Variants in CYP4F22 observed in about 807,000 individuals in gnomAD.
CYP4F22 encodes ultra-long-chain fatty acid omega-hydroxylase.
In CYP4F22, 37 loss-of-function variants were observed where a neutral mutation model predicts 60.4. The observed-to-expected ratio is 0.61, with a 90% CI of 0.47 to 0.81. The LOEUF is 0.81. Among genes scored for constraint, CYP4F22 ranks in the 30% least tolerant of loss-of-function variants. The pLI, the probability that CYP4F22 is intolerant of heterozygous loss-of-function variation, is 0.00. For synonymous variants in CYP4F22, 258 were observed against 280.5 expected (o/e 0.92, Z 0.80); for missense variants, 655 against 715.0 (o/e 0.92, Z 0.96).
chr19:15,537,612 A>T lies in CYP4F22; in HGVS notation c.499A>T (p.Ile167Phe). Residue 167 changes from isoleucine to phenylalanine, a missense_variant, in exon 6 of 14, where the codon ATC becomes TTC. Physicochemically the swap from Ile to Phe is conservative, Grantham distance 21. This residue lies in a region of CYP4F22 where 430 missense variants were observed against 457.1 expected (regional missense o/e 0.94). Transcript: ENST00000269703. ...RLLTPAFHFD[I>F]LKPYMKIFNQ... ...GCTGACACCCGCCTTCCACTTTGAC[A>T]TCCTGAAGCCTTACATGAAGATCTT... 6.2e-7 allele frequency: 1 copy of T among 1,614,150 alleles called. No individual in the cohort carries two copies. Among genetic ancestry groups the T allele is most frequent in the Non-Finnish European group, 8.5e-7 (1 of 1,180,032 alleles).
intron 1 of CYP4F22, among the ~76,000 whole-genome samples, chr19:15,514,515 G>A (rs1971131711): frequency 6.6e-6 from 1 of 152,040 alleles, no homozygotes; most frequent in African/African-American, 2.4e-5. Context: ...GTGAAACCCC[G>A]TCTCTATTAA....
At chr19:15,523,468 C>T (rs1971247538) in intron 1 of CYP4F22, among the ~76,000 whole-genome samples, 1 of 152,180 alleles carries the variant, frequency 6.6e-6, no homozygotes, top group African/African-American at 2.4e-5. Context: ...GAGAAACCAG[C>T]CCCGTGATCC....
At chr19:15,526,939 G>C (rs1458890213) in intron 3 of CYP4F22, among the ~76,000 whole-genome samples, 1 of 151,900 alleles carries the variant, frequency 6.6e-6, no homozygotes, top group African/African-American at 2.4e-5. Context: ...TTTTAGTAGG[G>C]ACAGGGTTTC....
Position 15,551,465 on chromosome 19 carries a change from G to T in CYP4F22, c.1590G>T (p.Arg530=). Residue 530 remains arginine (R), a synonymous_variant, in exon 14 of 14, where the codon CGG becomes CGT. Transcript: ENST00000269703. ...LWLKVEPLPP[R]A ...TCAAGGTGGAGCCGCTGCCTCCGCG[G>T]GCCTGAGCGTGGGCGCGCCCCTGCG... The T allele has an allele frequency of 6.4e-7, 1 of 1,559,322 alleles. No individual in the cohort carries two copies. The highest frequency in any genetic ancestry group is 8.7e-7 in the Non-Finnish European group (1 of 1,152,390).
In CYP4F22 at chr19:15,551,499, G is replaced by A. The variant is rs1310651417; in HGVS notation, c.*28G>A. The A allele has an allele frequency of 6.5e-7, 1 of 1,545,350 alleles. No individual in the cohort carries two copies. Among genetic ancestry groups the A allele is most frequent in the East Asian group, 2.4e-5 (1 of 40,842 alleles). On this transcript the variant is annotated 3_prime_UTR_variant, in exon 14 of 14. Transcript: ENST00000269703. Reference sequence around the variant, plus strand: ...GTGGGCGCGCCCCTGCGGCTCCCGAGGGTCCAGGCCCCGCCCCCAAAGGAC... The same window carrying A: ...GTGGGCGCGCCCCTGCGGCTCCCGAAGGTCCAGGCCCCGCCCCCAAAGGAC...
chr19:15,514,079 T>C (rs1971126156), intron 1 of CYP4F22, among the ~76,000 whole-genome samples: 1 of 152,168 alleles, frequency 6.6e-6, no homozygotes, highest in Non-Finnish European at 1.5e-5. Context: ...CTGTTTGCAT[T>C]AACAAAAATA....
chr19:15,530,004 A>G lies in CYP4F22; in HGVS notation c.367+151A>G, dbSNP rs2144518709. ...TTTGGCAAAGCAAGCATGGCAATCCAGATTGTGAGAACAGTATGGGCAAAG... is the reference window on the plus strand; with the variant it reads ...TTTGGCAAAGCAAGCATGGCAATCCGGATTGTGAGAACAGTATGGGCAAAG... On this transcript the variant is annotated intron_variant, in intron 4 of 13. Coordinates refer to ENST00000269703, the MANE Select transcript of CYP4F22 (RefSeq NM_173483.4). 3 of 1,111,368 alleles carry G rather than the reference A, an allele frequency of 2.7e-6. No individual in the cohort carries two copies. In the Admixed American group the frequency reaches 5.8e-5, roughly 21 times the overall value. 68.8% of individuals were successfully genotyped at this position (1,111,368 alleles called of 1,614,324 possible). A position where few individuals can be genotyped will look rare whatever the true frequency, so the allele number is the denominator to read the frequency against.
intron 1 of CYP4F22, among the ~76,000 whole-genome samples, chr19:15,514,689 AAAAG>A (rs910054723): frequency 2.6e-4 from 40 of 152,066 alleles, no homozygotes; most frequent in Non-Finnish European, 3.8e-4. Context: ...GAAAGAAAGA[AAAAG>A]AAAGAAAGAA....
At chr19:15,545,195 C>T (rs1373023225) in intron 10 of CYP4F22, among the ~76,000 whole-genome samples, 1 of 151,658 alleles carries the variant, frequency 6.6e-6, no homozygotes, top group Non-Finnish European at 1.5e-5. Flanking sequence ...TGGGGCAGGA[C>T]ATATACTCCA....
At chr19:15,517,937 G>A (rs1462619743) in intron 1 of CYP4F22, among the ~76,000 whole-genome samples, 1 of 152,102 alleles carries the variant, frequency 6.6e-6, no homozygotes, top group Non-Finnish European at 1.5e-5. Flanking sequence ...TGGAAGGAGT[G>A]GCCTGGAGCA....
intron 1 of CYP4F22, among the ~76,000 whole-genome samples, chr19:15,517,361 C>T (rs1971167993): frequency 6.6e-6 from 1 of 152,214 alleles, no homozygotes; most frequent in African/African-American, 2.4e-5. Context: ...GGACTCACAA[C>T]ATGTGGTCCT....
intron 4 of CYP4F22, among the ~76,000 whole-genome samples, chr19:15,534,856 T>C (rs1237803226): frequency 6.6e-6 from 1 of 152,100 alleles, no homozygotes; most frequent in Non-Finnish European, 1.5e-5. Flanking sequence ...AGTGCCTTGA[T>C]GCAGATGTGT....
At chr19:15,522,436 A>C (rs1971236774) in intron 1 of CYP4F22, among the ~76,000 whole-genome samples, 1 of 152,124 alleles carries the variant, frequency 6.6e-6, no homozygotes, top group Admixed American at 6.5e-5. Context: ...AGCACTTGGG[A>C]GGCAGAGGTG....
At chr19:15,545,285 A>G (rs1370297129) in intron 10 of CYP4F22, among the ~76,000 whole-genome samples, 1 of 152,068 alleles carries the variant, frequency 6.6e-6, no homozygotes, top group East Asian at 1.9e-4. Context: ...GGAAGTGGAG[A>G]ATCAGAACAC....
chr19:15,520,000 T>C (rs1042952517), intron 1 of CYP4F22, among the ~76,000 whole-genome samples: 8 of 152,134 alleles, frequency 5.3e-5, no homozygotes, highest in Non-Finnish European at 1.0e-4. Flanking sequence ...TCATCGTGTA[T>C]GTTTGTGTCT....
chr19:15,547,840 A>T (rs1222840250), intron 10 of CYP4F22, among the ~76,000 whole-genome samples: 2 of 151,754 alleles, frequency 1.3e-5, no homozygotes, highest in Non-Finnish European at 2.9e-5. Context: ...AAAAAGAAAG[A>T]AAAAGGAAAA....
intron 1 of CYP4F22, among the ~76,000 whole-genome samples, chr19:15,523,085 T>G (rs1971243322): frequency 6.7e-6 from 1 of 150,218 alleles, no homozygotes; most frequent in Non-Finnish European, 1.5e-5. Context: ...CGTGGTGTGG[T>G]GGCTCATGCC....
intron 13 of CYP4F22, 67 bp from the exon 14 acceptor site, chr19:15,551,227 C>T: frequency 1.3e-6 from 2 of 1,557,534 alleles, no homozygotes; most frequent in South Asian, 2.3e-5. Context: ...TCAAAGGAGG[C>T]ATGTGACCCC....
At chr19:15,513,721 G>C (rs1273630626) in intron 1 of CYP4F22, among the ~76,000 whole-genome samples, 2 of 151,710 alleles carry the variant, frequency 1.3e-5, no homozygotes, top group African/African-American at 2.4e-5. Context: ...GGCTGGTTGC[G>C]AACTCCTGAG....
Sources: gnomAD v4.1 joint callset for allele counts (sites outside exome capture counted in the v4.1 genomes callset) on GRCh38, gnomAD v4.1.1 for gene constraint, gnomAD v4.1.1 regional missense constraint, MANE v1.5 for transcripts, NCBI Gene and HGNC (gene_info 2026-07-23, HGNC 2026-07-21) for gene names.